LZTS1: variants seen among roughly 807,000 people sequenced by gnomAD.
LZTS1 encodes the protein leucine zipper putative tumor suppressor 1.
In LZTS1, 31 loss-of-function variants were observed where a neutral mutation model predicts 45.8. The ratio of observed to expected loss-of-function variants is 0.68; its 90% CI spans 0.51 to 0.91. The LOEUF (loss-of-function observed/expected upper bound fraction) is 0.91, where lower values mean the gene tolerates loss of function less well. Ranked by LOEUF, LZTS1 falls within the 40% of genes least tolerant of loss-of-function variation. The pLI is 0.00. For missense variants in LZTS1, 821 were observed against 788.9 expected, an observed-to-expected ratio of 1.04 and a Z score of -0.49; for synonymous variants, 359 against 357.3, an observed-to-expected ratio of 1.00 and a Z score of -0.05.
At chr8:20,257,719 G>A (rs546841176) in intron 1 of LZTS1, among the ~76,000 whole-genome samples, 85 of 149,340 alleles carry the variant, frequency 5.7e-4, no homozygotes, top group Non-Finnish European at 9.6e-4. Flanking sequence ...GCCCAGGCTG[G>A]AGTGCAGTGG....
intron 1 of LZTS1, among the ~76,000 whole-genome samples, chr8:20,289,630 T>TG (rs1178406267): frequency 4.6e-5 from 7 of 152,222 alleles, no homozygotes; most frequent in Admixed American, 4.6e-4. Flanking sequence ...CATTTCCTCT[T>TG]GTCTCCTGTC....
At chr8:20,255,783 A>G (rs1011349434) in intron 1 of LZTS1, among the ~76,000 whole-genome samples, 6 of 152,066 alleles carry the variant, frequency 3.9e-5, no homozygotes, top group African/African-American at 1.4e-4. Flanking sequence ...CTTCAAGAAA[A>G]TGAGGGGGCA....
At chr8:20,271,807 C>T (rs1800479452) in intron 1 of LZTS1, among the ~76,000 whole-genome samples, 1 of 152,214 alleles carries the variant, frequency 6.6e-6, no homozygotes, top group African/African-American at 2.4e-5. Context: ...TATGCATTTC[C>T]ATTGCCTGTG....
intron 1 of LZTS1, among the ~76,000 whole-genome samples, chr8:20,280,554 G>C (rs1455663424): frequency 6.6e-6 from 1 of 152,174 alleles, no homozygotes; most frequent in African/African-American, 2.4e-5. Context: ...TTAGCAGTGA[G>C]AACACTTGAA....
chr8:20,256,300 G>C (rs1409067051), intron 1 of LZTS1, among the ~76,000 whole-genome samples: 2 of 152,146 alleles, frequency 1.3e-5, no homozygotes, highest in Non-Finnish European at 2.9e-5. Context: ...AGAACAAGGA[G>C]GCTGTGCAGC....
chr8:20,263,632 CA>C (rs1271616584), intron 1 of LZTS1, among the ~76,000 whole-genome samples: 1 of 152,172 alleles, frequency 6.6e-6, no homozygotes, highest in East Asian at 1.9e-4. Context: ...AAATGCCTTG[CA>C]TCCTCTCAAG....
At chr8:20,274,054 A>AG (rs940115502) in intron 1 of LZTS1, among the ~76,000 whole-genome samples, 2 of 152,078 alleles carry the variant, frequency 1.3e-5, no homozygotes, top group Non-Finnish European at 2.9e-5. Context: ...TTTGCTCAGA[A>AG]GGCACTCTTC....
intron 1 of LZTS1, among the ~76,000 whole-genome samples, chr8:20,256,079 A>G (rs1339360279): frequency 6.6e-6 from 1 of 150,914 alleles, no homozygotes; most frequent in South Asian, 2.1e-4. Context: ...AAAAAAAAAA[A>G]AAAAAGAAGA....
At chr8:20,250,660 A>G (rs1277945330) in intron 3 of LZTS1, among the ~76,000 whole-genome samples, 1 of 152,190 alleles carries the variant, frequency 6.6e-6, no homozygotes. Flanking sequence ...GCTGGGGTGT[A>G]GTGGCGTGAT....
At chr8:20,291,094 T>C (rs1800893179) in intron 1 of LZTS1, among the ~76,000 whole-genome samples, 2 of 152,356 alleles carry the variant, frequency 1.3e-5, no homozygotes, top group Admixed American at 6.5e-5. Flanking sequence ...GGACACTGAA[T>C]GGTATCACAG....
At chr8:20,265,283 A>G (rs917865218) in intron 1 of LZTS1, among the ~76,000 whole-genome samples, 2 of 152,122 alleles carry the variant, frequency 1.3e-5, no homozygotes, top group African/African-American at 2.4e-5. Flanking sequence ...CACACTCACT[A>G]TTATTCATTC....
rs545810695 is a variant in LZTS1 at position 20,262,591 on chromosome 8, C to T, written c.-134-7276G>A. Among the ~76,000 whole-genome samples, 11 of 152,194 alleles carry T rather than the reference C, an allele frequency of 7.2e-5. No homozygotes were observed. The South Asian group carries it at 1.2e-3, about 17-fold the overall frequency. ...TGGTTTTGTAAAATGATGCCCTTAT[C>T]GGGAACAGCATGTGCAAAGAAAGGT... On this transcript the variant is annotated intron_variant, in intron 1 of 3. Coordinates refer to ENST00000381569, the MANE Select transcript of LZTS1 (RefSeq NM_021020.5).
Position 20,249,828 on chromosome 8 carries a change from T to G in LZTS1, c.1685A>C (p.Lys562Thr), listed in dbSNP as rs1229154018. The G allele has an allele frequency of 6.2e-7, 1 of 1,614,162 alleles. No homozygotes were observed. The highest frequency in any genetic ancestry group is 8.5e-7 in the Non-Finnish European group (1 of 1,180,010). Reference protein sequence around the residue: ...AMYQRNQRLEKALQQLARGDS... With the variant: ...AMYQRNQRLETALQQLARGDS... ...CCCACGTGCCAGCTGCTGCAGGGCCTTCTCCAGGCGCTGGTTCCGCTGGTA... is the reference window on the plus strand; with the variant it reads ...CCCACGTGCCAGCTGCTGCAGGGCCGTCTCCAGGCGCTGGTTCCGCTGGTA... The change falls in exon 4 of 4, where the codon AAG (lysine) becomes ACG (threonine). Residue 562 changes from lysine (K) to threonine (T), a missense_variant. Transcript: ENST00000381569.
At chr8:20,283,553 G>C (rs1471693411) in intron 1 of LZTS1, among the ~76,000 whole-genome samples, 3 of 152,214 alleles carry the variant, frequency 2.0e-5, no homozygotes, top group African/African-American at 7.2e-5. Context: ...TGGAAACCCG[G>C]AGAGGGATAC....
In LZTS1 at chr8:20,252,930, T is replaced by G; in HGVS notation, c.1001A>C (p.Gln334Pro). 5 of 1,606,690 alleles carry G rather than the reference T, an allele frequency of 3.1e-6. No homozygotes were observed. The highest frequency in any genetic ancestry group is 4.2e-6 in the Non-Finnish European group (5 of 1,177,764). The change falls in exon 3 of 4, where the codon CAG (glutamine) becomes CCG (proline). Residue 334 changes from glutamine to proline, a missense_variant. Gln to Pro is a moderately conservative substitution (Grantham distance 76). Coordinates refer to ENST00000381569, the MANE Select transcript of LZTS1 (RefSeq NM_021020.5). ...SQRAQQVLHL[Q>P]VLQLQQEKRQ... ...CTTCTCCTGCTGAAGCTGCAGTACC[T>G]GCAGGTGCAGGACCTGCTGCGCGCG... is the stretch of plus-strand genomic sequence containing the variant.
intron 1 of LZTS1, among the ~76,000 whole-genome samples, chr8:20,279,737 A>C (rs1277303030): frequency 1.3e-5 from 2 of 151,280 alleles, no homozygotes; most frequent in Non-Finnish European, 2.9e-5. Flanking sequence ...CTGTAATACC[A>C]GCACTTTGGG....
At chr8:20,255,776 C>T (rs1480830966) in intron 1 of LZTS1, among the ~76,000 whole-genome samples, 2 of 151,956 alleles carry the variant, frequency 1.3e-5, no homozygotes, top group African/African-American at 4.8e-5. Flanking sequence ...TAAAAGGCTT[C>T]AAGAAAATGA....
intron 1 of LZTS1, among the ~76,000 whole-genome samples, chr8:20,294,159 C>T (rs987910660): frequency 6.6e-6 from 1 of 152,114 alleles, no homozygotes; most frequent in Non-Finnish European, 1.5e-5. Flanking sequence ...TGTGTCCTGA[C>T]AAATCTTAGG....
rs760533048 is a variant in LZTS1, at chr8:20,253,363, T to C, written c.568A>G (p.Ser190Gly). The C allele has an allele frequency of 1.9e-6, 3 of 1,613,294 alleles. No individual in the cohort carries two copies. The highest frequency in any genetic ancestry group is 2.7e-5 in the African/African-American group (2 of 74,920). ...SSLPTHSTSS[S>G]YQLDPLVTPV... ...GTGACCAGCGGGTCCAGCTGGTAGC[T>C]GCTGCTGGTGCTGTGTGTGGGCAGG... Residue 190 changes from serine to glycine, a missense_variant, in exon 3 of 4, where the codon AGC becomes GGC. By Grantham distance (56) the Ser-to-Gly change is moderately conservative. Transcript: ENST00000381569.
Sources: allele counts gnomAD v4.1 joint callset (sites outside exome capture counted in the v4.1 genomes callset), GRCh38; gene constraint gnomAD v4.1.1; transcripts MANE v1.5; gene names NCBI Gene and HGNC (gene_info 2026-07-23, HGNC 2026-07-21).